MAP3K15: variants seen among roughly 807,000 people sequenced by gnomAD.
MAP3K15 encodes MAPK/ERK kinase kinase 15.
A neutral mutation model predicts 99.5 loss-of-function variants in MAP3K15; 124 were observed. That is an observed-to-expected ratio of 1.25 (90% CI 1.08 to 1.45). The LOEUF (loss-of-function observed/expected upper bound fraction) is 1.45. MAP3K15 is among the 40% of genes most tolerant of loss of function. The probability of loss-of-function intolerance (pLI) is 0.00; values close to 1 mark genes in which losing one functional copy is unlikely to be tolerated. For synonymous variants in MAP3K15, 494 were observed against 439.6 expected, an observed-to-expected ratio of 1.12 and a Z score of -1.55; for missense variants, 1,242 against 1,079.7, an observed-to-expected ratio of 1.15 and a Z score of -2.11.
At position 19,431,571 on chromosome X, in the gene MAP3K15, T is replaced by C. The variant is rs1369801782; in HGVS notation, c.1033A>G (p.Ile345Val). The C allele has an allele frequency of 1.7e-5, 20 of 1,197,999 alleles. No individual in the cohort carries two copies. The highest frequency in any genetic ancestry group is 2.1e-5 in the Non-Finnish European group (19 of 894,654). ...CAGCTCTGCAGAACCTGGAGCATGA[T>C]CTGCAGAGCCTTCTCACGGTCACCT... The part of the protein sequence containing the change: ...STGDREKALQ[I>V]MLQVLQSCDH... The change falls in exon 7 of 29, where the codon ATC becomes GTC. Residue 345 changes from isoleucine to valine, a missense_variant. Ile to Val is a conservative substitution (Grantham distance 29). Coordinates refer to ENST00000338883, the MANE Select transcript of MAP3K15 (RefSeq NM_001001671.4).
chrX:19,501,561 T>C (rs1171144189), intron 1 of MAP3K15, among the ~76,000 whole-genome samples: 2 of 112,102 alleles, frequency 1.8e-5, no homozygotes, highest in African/African-American at 6.5e-5. Context: ...CACTGGAAAC[T>C]GCATTCTAAA....
chrX:19,422,048 T>TAAA (rs1404406597), intron 9 of MAP3K15, among the ~76,000 whole-genome samples: 1 of 110,882 alleles, frequency 9.0e-6, no homozygotes, highest in African/African-American at 3.3e-5. Context: ...ATTAAAGACT[T>TAAA]ACATGTTAGA....
At chrX:19,387,900 G>C (rs748663696) in intron 18 of MAP3K15, among the ~76,000 whole-genome samples, 1 of 112,467 alleles carries the variant, frequency 8.9e-6, no homozygotes, top group Admixed American at 9.4e-5. Context: ...CCCTGCCCAC[G>C]ACACAGGAGT....
intron 9 of MAP3K15, among the ~76,000 whole-genome samples, chrX:19,424,772 G>A (rs987616814): frequency 9.1e-6 from 1 of 109,443 alleles, no homozygotes; most frequent in Non-Finnish European, 1.9e-5. Flanking sequence ...CTGCCTTCCC[G>A]AGTAGCTGGG....
chrX:19,462,826 A>G (rs1460405246), intron 4 of MAP3K15, among the ~76,000 whole-genome samples: 2 of 112,143 alleles, frequency 1.8e-5, no homozygotes, highest in Admixed American at 9.5e-5. Flanking sequence ...GTTTTAAACT[A>G]TAAGCACCAC....
At chrX:19,465,375 A>G (rs2147364795) in intron 3 of MAP3K15, among the ~76,000 whole-genome samples, 1 of 111,290 alleles carries the variant, frequency 9.0e-6, no homozygotes, top group Non-Finnish European at 1.9e-5. Flanking sequence ...GTTTTCTGAG[A>G]ATACTTACAT....
intron 11 of MAP3K15, among the ~76,000 whole-genome samples, chrX:19,411,315 C>A (rs189686895): frequency 8.9e-6 from 1 of 112,431 alleles, no homozygotes; most frequent in East Asian, 2.8e-4. Flanking sequence ...TGAATAGGCA[C>A]ATGACTAGTT....
chrX:19,372,474 T>G (rs2063382450), intron 22 of MAP3K15, among the ~76,000 whole-genome samples, 179 bp downstream of exon 22: 1 of 112,491 alleles, frequency 8.9e-6, no homozygotes, highest in African/African-American at 3.2e-5. Flanking sequence ...TTTTTTTCTT[T>G]GTATTTTCTT....
At chrX:19,470,719 T>G (rs891164899) in intron 3 of MAP3K15, among the ~76,000 whole-genome samples, 2 of 111,381 alleles carry the variant, frequency 1.8e-5, no homozygotes, top group African/African-American at 6.5e-5. Flanking sequence ...ATCTGAAATG[T>G]CCAGTTGTCA....
chrX:19,408,107 T>C lies in MAP3K15; in HGVS notation c.1749-824A>G, dbSNP rs968408061. Among the ~76,000 whole-genome samples, 5 of 111,871 alleles carry C rather than the reference T, an allele frequency of 4.5e-5. No homozygotes were observed. In the Admixed American group the frequency reaches 4.8e-4, roughly 11 times the overall value. On this transcript the variant is annotated intron_variant, in intron 12 of 28. Coordinates refer to ENST00000338883, the MANE Select transcript of MAP3K15 (RefSeq NM_001001671.4). ...AAAAGAATTAGAACTAGATTATAAG[T>C]GAGCAGGTTTTGAAAATCAATCTGT...
At chrX:19,428,828 G>A (rs983083821) in intron 7 of MAP3K15, among the ~76,000 whole-genome samples, 1 of 111,312 alleles carries the variant, frequency 9.0e-6, no homozygotes, top group Non-Finnish European at 1.9e-5. Context: ...AATTAGCCGG[G>A]CATGGTGGCA....
intron 18 of MAP3K15, among the ~76,000 whole-genome samples, chrX:19,388,130 G>A (rs1460913848): frequency 8.9e-6 from 1 of 112,233 alleles, no homozygotes; most frequent in Non-Finnish European, 1.9e-5. Context: ...TTTGAATGAG[G>A]ACCAGAGCGT....
At chrX:19,362,713 T>G in intron 26 of MAP3K15, 25 bp downstream of exon 26, 1 of 897,085 alleles carries the variant, frequency 1.1e-6, no homozygotes. Flanking sequence ...GATGTTAAAG[T>G]CTGTCTCATT....
intron 1 of MAP3K15, among the ~76,000 whole-genome samples, chrX:19,492,303 C>T (rs2064373499): frequency 9.0e-6 from 1 of 110,593 alleles, no homozygotes; most frequent in Non-Finnish European, 1.9e-5. Flanking sequence ...AAAATAAATC[C>T]CACCAGACAC....
Position 19,398,352 on chromosome X carries a change from T to C in MAP3K15, c.1940A>G (p.Tyr647Cys). The C allele has an allele frequency of 1.7e-6, 2 of 1,210,525 alleles. No homozygotes were observed. The highest frequency in any genetic ancestry group is 2.2e-6 in the Non-Finnish European group (2 of 894,984). ...ETDGDTLEYEYDHDANGERVV... is the reference protein window; with the variant it reads ...ETDGDTLEYECDHDANGERVV... Reference sequence around the variant, plus strand: ...TCTCTCACCATTTGCATCATGGTCATACTCATACTGAAGAAGGAAAAACAA... The same window carrying C: ...TCTCTCACCATTTGCATCATGGTCACACTCATACTGAAGAAGGAAAAACAA... Residue 647 changes from tyrosine (Y) to cysteine (C), a missense_variant, in exon 15 of 29, where the codon TAT (tyrosine) becomes TGT (cysteine). Tyr to Cys is a radical substitution (Grantham distance 194, BLOSUM62 -2). Coordinates refer to ENST00000338883, the MANE Select transcript of MAP3K15 (RefSeq NM_001001671.4).
chrX:19,514,909 TAGA>T lies in MAP3K15; in HGVS notation c.350_352del (p.Phe117del). 1 of 1,120,276 alleles carries T rather than the reference TAGA, an allele frequency of 8.9e-7. No homozygotes were observed. Among genetic ancestry groups the T allele is most frequent in the Non-Finnish European group, 1.2e-6 (1 of 851,070 alleles). The allele number at this position is 1,120,276 out of a possible 1,213,427, so 92.3% of individuals were successfully genotyped here. ...GACGAAGCCGCTCTCACCTGCGTCG[TAGA>T]AGGCGTCGAGCACGGCCGTCTCCCC... is the stretch of plus-strand genomic sequence containing the variant. On this transcript the variant is annotated inframe_deletion, in exon 1 of 29. Coordinates refer to ENST00000338883, the MANE Select transcript of MAP3K15 (RefSeq NM_001001671.4).
chrX:19,424,765 C>T (rs1302910937), intron 9 of MAP3K15, among the ~76,000 whole-genome samples: 1 of 110,450 alleles, frequency 9.1e-6, no homozygotes, highest in Non-Finnish European at 1.9e-5. Context: ...TCTACCTCTG[C>T]CTTCCCGAGT....
chrX:19,514,135 C>G (rs752535328), intron 1 of MAP3K15, among the ~76,000 whole-genome samples: 9 of 110,745 alleles, frequency 8.1e-5, no homozygotes, highest in South Asian at 3.9e-4. Flanking sequence ...CGTAAGACAC[C>G]GATTTCCACT....
rs2064326984 is a variant in MAP3K15 at position 19,486,519 on chromosome X, GA to G, written c.502-15del. Reference sequence around the variant, plus strand: ...AGTTACCATGTCCTGAAAAGAAAAAGAAAAGATGAATATAGCTTTTTGTAAA... The same window carrying G: ...AGTTACCATGTCCTGAAAAGAAAAAGAAAGATGAATATAGCTTTTTGTAAA... On this transcript the variant is annotated splice_polypyrimidine_tract_variant and intron_variant, in intron 2 of 28. Coordinates refer to ENST00000338883, the MANE Select transcript of MAP3K15 (RefSeq NM_001001671.4). The G allele has an allele frequency of 2.3e-6, 2 of 856,886 alleles. No individual in the cohort carries two copies. The highest frequency in any genetic ancestry group is 3.6e-5 in the Admixed American group (1 of 27,491). The allele number at this position is 856,886 out of a possible 1,213,427, so 70.6% of individuals were successfully genotyped here. A position where few individuals can be genotyped will look rare whatever the true frequency, so the allele number is the denominator to read the frequency against.
Sources: allele counts gnomAD v4.1 joint callset (sites outside exome capture counted in the v4.1 genomes callset), GRCh38; gene constraint gnomAD v4.1.1; transcripts MANE v1.5; gene names NCBI Gene and HGNC (gene_info 2026-07-23, HGNC 2026-07-21).